The following FAM228A variants were observed in gnomAD, a reference collection of about 807,000 sequenced individuals.
FAM228A encodes protein FAM228A.
In FAM228A, 13 loss-of-function variants were observed where a neutral mutation model predicts 18.6. The observed-to-expected ratio is 0.70, with a 90% CI of 0.45 to 1.11. FAM228A has a LOEUF of 1.11. Among genes scored for constraint, FAM228A ranks in the 50% least tolerant of loss-of-function variants. The pLI, the probability that FAM228A is intolerant of heterozygous loss-of-function variation, is 0.00. For missense variants in FAM228A, 240 were observed against 242.2 expected, an observed-to-expected ratio of 0.99 and a Z score of 0.06; for synonymous variants, 77 against 86.6, an observed-to-expected ratio of 0.89 and a Z score of 0.61.
At chr2:24,184,043 T>G (rs991456256) in intron 5 of FAM228A, among the ~76,000 whole-genome samples, 3 of 152,170 alleles carry the variant, frequency 2.0e-5, no homozygotes. Context: ...CTGAAAGCAT[T>G]TATTCTTTTA....
At chr2:24,186,398 C>G (rs1206830532) in intron 5 of FAM228A, among the ~76,000 whole-genome samples, 1 of 152,170 alleles carries the variant, frequency 6.6e-6, no homozygotes, top group African/African-American at 2.4e-5. Context: ...GTTAAGATCT[C>G]TGGCACAAAG....
chr2:24,187,569 G>A (rs1667979369), intron 5 of FAM228A, among the ~76,000 whole-genome samples: 1 of 151,996 alleles, frequency 6.6e-6, no homozygotes, highest in Admixed American at 6.6e-5. Flanking sequence ...CCTAAAAATT[G>A]TCTCTGCCCA....
At chr2:24,178,521 C>T (rs888551146) in intron 3 of FAM228A, among the ~76,000 whole-genome samples, 1 of 152,180 alleles carries the variant, frequency 6.6e-6, no homozygotes, top group Non-Finnish European at 1.5e-5. Flanking sequence ...CTGTAGTGAA[C>T]TGTGATCATG....
At chr2:24,177,725 G>A (rs910912221) in intron 2 of FAM228A, 77 bp from the exon 3 acceptor site, 46 of 813,416 alleles carry the variant, frequency 5.7e-5, no homozygotes, top group Non-Finnish European at 1.4e-5. Flanking sequence ...AAAACTATTG[G>A]TAAAGTACAC....
intron 3 of FAM228A, among the ~76,000 whole-genome samples, chr2:24,182,288 G>C (rs1422122356): frequency 6.6e-6 from 1 of 152,172 alleles, no homozygotes; most frequent in South Asian, 2.1e-4. Context: ...GATGGAAGTG[G>C]TTTCTTTTGC....
chr2:24,190,226 T>C (rs972458703), intron 5 of FAM228A, among the ~76,000 whole-genome samples, 186 bp from the exon 6 acceptor site: 1 of 152,000 alleles, frequency 6.6e-6, no homozygotes, highest in Non-Finnish European at 1.5e-5. Context: ...ACCACCTCCC[T>C]AGGAATTGGG....
chr2:24,191,309 A>G lies in FAM228A; in HGVS notation c.*678A>G, dbSNP rs928113998. On this transcript the variant is annotated 3_prime_UTR_variant, in exon 6 of 6. Transcript: ENST00000295150. Reference sequence around the variant, plus strand: ...GTCACTCCCACCCTCACCACCACACACACAGGATGGGGGACTGCTGCTGCT... The same window carrying G: ...GTCACTCCCACCCTCACCACCACACGCACAGGATGGGGGACTGCTGCTGCT... 8.1e-6 allele frequency: 8 copies of G among 985,422 alleles called. No homozygotes were observed. Among genetic ancestry groups the G allele is most frequent in the African/African-American group, 1.7e-5 (1 of 57,180 alleles). The allele number at this position is 985,422 out of a possible 1,614,324, so 61.0% of individuals were successfully genotyped here.
intron 4 of FAM228A, 48 bp downstream of exon 4, chr2:24,183,420 C>T: frequency 6.2e-7 from 1 of 1,607,646 alleles, no homozygotes; most frequent in South Asian, 1.1e-5. Flanking sequence ...GCTAATTGTC[C>T]AGTGATTTCT....
At chr2:24,177,925 G>A in intron 3 of FAM228A, 55 bp downstream of exon 3, 2 of 1,144,482 alleles carry the variant, frequency 1.7e-6, no homozygotes, top group Non-Finnish European at 2.6e-6. Flanking sequence ...GCAAGAGTGT[G>A]CAGAACAACA....
chr2:24,184,925 T>A (rs940822172), intron 5 of FAM228A, among the ~76,000 whole-genome samples: 5 of 151,222 alleles, frequency 3.3e-5, no homozygotes, highest in Admixed American at 6.6e-5. Context: ...CGGGTTCAAG[T>A]GATTCTCCTG....
In FAM228A at chr2:24,184,868, G is replaced by C. The variant is rs541714581; in HGVS notation, c.401+1223G>C. 3.3e-5 allele frequency among the ~76,000 whole-genome samples: 5 copies of C among 150,462 alleles called. No individual in the cohort carries two copies. In the South Asian group the frequency reaches 1.1e-3, roughly 32 times the overall value. On this transcript the variant is annotated intron_variant, in intron 5 of 5. Coordinates refer to ENST00000295150, the MANE Select transcript of FAM228A (RefSeq NM_001040710.3). ...AGATGGAGTCTCATTCTATCGTCAGGCTGGAGTACAGTGGCACAATCTTGG... is the reference window on the plus strand; with the variant it reads ...AGATGGAGTCTCATTCTATCGTCAGCCTGGAGTACAGTGGCACAATCTTGG...
chr2:24,175,252 C>T, intron 1 of FAM228A, 78 bp downstream of exon 1: 1 of 525,028 alleles, frequency 1.9e-6, no homozygotes, highest in Admixed American at 3.3e-5. Context: ...GGGGCGCGCC[C>T]CGGAGGAAAG....
Position 24,191,188 on chromosome 2 carries a change from C to T in FAM228A, c.*557C>T, listed in dbSNP as rs575044654. The T allele has an allele frequency of 2.0e-5, 20 of 985,608 alleles. No individual in the cohort carries two copies. The highest frequency in any genetic ancestry group is 2.4e-5 in the Non-Finnish European group (20 of 830,094). 61.1% of individuals were successfully genotyped at this position (985,608 alleles called of 1,614,324 possible). On this transcript the variant is annotated 3_prime_UTR_variant, in exon 6 of 6. Coordinates refer to ENST00000295150, the MANE Select transcript of FAM228A (RefSeq NM_001040710.3). ...GGTCTATTTCCCCTTCCATTCTCTCCGCCACGCCCTGTGCCCTGAGGCCTG... is the reference window on the plus strand; with the variant it reads ...GGTCTATTTCCCCTTCCATTCTCTCTGCCACGCCCTGTGCCCTGAGGCCTG...
At chr2:24,177,073 A>G (rs1401798021) in intron 2 of FAM228A, among the ~76,000 whole-genome samples, 3 of 152,216 alleles carry the variant, frequency 2.0e-5, no homozygotes, top group African/African-American at 7.2e-5. Flanking sequence ...CAGTTGAACT[A>G]AAGGGAACTT....
In FAM228A at chr2:24,190,896, G is replaced by C. The variant is rs1036327358; in HGVS notation, c.*265G>C. ...TGGCCACAGGGGCTTTTCCCCCTGA[G>C]ATTTCTTCAGCGCCTTCGCCCGGGC... On this transcript the variant is annotated 3_prime_UTR_variant, in exon 6 of 6. Coordinates refer to ENST00000295150, the MANE Select transcript of FAM228A (RefSeq NM_001040710.3). 3.4e-6 allele frequency: 4 copies of C among 1,174,604 alleles called. No individual in the cohort carries two copies. Among genetic ancestry groups the C allele is most frequent in the Non-Finnish European group, 4.2e-6 (4 of 950,140 alleles). The allele number at this position is 1,174,604 out of a possible 1,614,324, so 72.8% of individuals were successfully genotyped here.
intron 5 of FAM228A, 30 bp downstream of exon 5, chr2:24,183,675 G>C: frequency 6.5e-7 from 1 of 1,547,106 alleles, no homozygotes. Context: ...ACAAATATTT[G>C]TTTAACTTGC....
chr2:24,177,774 A>G (rs1667726464), intron 2 of FAM228A, 28 bp from the exon 3 acceptor site: 4 of 1,317,614 alleles, frequency 3.0e-6, no homozygotes, highest in African/African-American at 1.4e-5. Context: ...CAGGATTCAC[A>G]TCTTAATATT....
chr2:24,175,932 C>T (rs1291663824), intron 2 of FAM228A: 5 of 1,034,600 alleles, frequency 4.8e-6, no homozygotes, highest in Non-Finnish European at 5.8e-6. Flanking sequence ...TGATTTGCCT[C>T]GCTGTGAAAA....
At position 24,190,455 on chromosome 2, in the gene FAM228A, G is replaced by A; in HGVS notation, c.445G>A (p.Glu149Lys). ...TGCAGACAAGAAACAGAAAAGAAAA[G>A]AGAAAAAGACGGCCGACCTAAGTCA... ...IYADKKQKRK[E>K]KKTADLSQAA... is the part of the protein sequence containing the mutation. Residue 149 changes from glutamate (E) to lysine (K), a missense_variant, in exon 6 of 6, where the codon GAG becomes AAG. Transcript: ENST00000295150. 6.2e-7 allele frequency: 1 copy of A among 1,613,922 alleles called. No individual in the cohort carries two copies. The highest frequency in any genetic ancestry group is 8.5e-7 in the Non-Finnish European group (1 of 1,179,966).
Sources: allele counts gnomAD v4.1 joint callset (sites outside exome capture counted in the v4.1 genomes callset), GRCh38; gene constraint gnomAD v4.1.1; transcripts MANE v1.5; gene names NCBI Gene and HGNC (gene_info 2026-07-23, HGNC 2026-07-21).